Variants in SV2C observed in about 807,000 individuals in gnomAD.
SV2C encodes synaptic vesicle glycoprotein 2C, also known as solute carrier family 22 member B3.
SV2C carries 49 observed loss-of-function variants against 79.7 expected under a neutral mutation model. The observed-to-expected ratio is 0.61, with a 90% CI of 0.49 to 0.78. The LOEUF is 0.78. Among genes scored for constraint, SV2C ranks in the 30% least tolerant of loss-of-function variants. SV2C has a pLI of 0.00. For synonymous variants in SV2C, 334 were observed against 333.2 expected (o/e 1.00, Z -0.03); for missense variants, 833 against 912.9 (o/e 0.91, Z 1.13).
At chr5:75,850,259 T>G in the SV2C span, among the ~76,000 whole-genome samples, 73 of 152,302 alleles carry the variant, frequency 4.8e-4, 1 homozygote, top group African/African-American at 1.7e-3. Context: ...TGCAGAATGA[T>G]TTACTAAATC....
intron 4 of SV2C, among the ~76,000 whole-genome samples, chr5:76,276,898 T>G (rs1747040798): frequency 6.6e-6 from 1 of 152,136 alleles, no homozygotes. Context: ...CCTTTTTCAA[T>G]GGATTATAAC....
At chr5:75,962,394 G>A in the SV2C span, among the ~76,000 whole-genome samples, 1 of 152,004 alleles carries the variant, frequency 6.6e-6, no homozygotes, top group South Asian at 2.1e-4. Context: ...TAGAATATTA[G>A]TACTCATTTG....
At chr5:76,183,030 ATTTTTTTTTTT>A (rs759427459) in intron 2 of SV2C, among the ~76,000 whole-genome samples, 4 of 102,060 alleles carry the variant, frequency 3.9e-5, no homozygotes, top group South Asian at 3.3e-4. Flanking sequence ...AGAACCTACC[ATTTTTTTTTTT>A]TTTTTTTTTT....
intron 2 of SV2C, among the ~76,000 whole-genome samples, chr5:76,176,883 A>G (rs1391079965): frequency 6.6e-6 from 1 of 152,202 alleles, no homozygotes; most frequent in Non-Finnish European, 1.5e-5. Context: ...TGGGAGAACG[A>G]GGTGGATGGA....
At chr5:76,268,443 G>A (rs1233278225) in intron 4 of SV2C, among the ~76,000 whole-genome samples, 1 of 152,184 alleles carries the variant, frequency 6.6e-6, no homozygotes, top group African/African-American at 2.4e-5. Flanking sequence ...TGCAGGTCTT[G>A]TGGAACCCAG....
At chr5:76,315,399 A>G (rs1748587085) in intron 12 of SV2C, among the ~76,000 whole-genome samples, 1 of 152,234 alleles carries the variant, frequency 6.6e-6, no homozygotes, top group Admixed American at 6.5e-5. Flanking sequence ...TGTCTATTAC[A>G]AAAATCGACT....
the SV2C span, among the ~76,000 whole-genome samples, chr5:75,872,368 C>T: frequency 6.6e-6 from 1 of 152,158 alleles, no homozygotes; most frequent in Admixed American, 6.5e-5. Flanking sequence ...CCAATTTAAA[C>T]TCCAATTTGG....
chr5:76,120,433 TG>T (rs1748445870), intron 1 of SV2C, among the ~76,000 whole-genome samples: 1 of 150,062 alleles, frequency 6.7e-6, no homozygotes, highest in Non-Finnish European at 1.5e-5. Context: ...TAGTTACATA[TG>T]TATACATGTG....
chr5:75,853,208 C>G, the SV2C span, among the ~76,000 whole-genome samples: 1 of 151,914 alleles, frequency 6.6e-6, no homozygotes, highest in Non-Finnish European at 1.5e-5. Flanking sequence ...GGCATAATAC[C>G]GAATACTAGA....
At chr5:76,126,452 C>G (rs76162570) in intron 1 of SV2C, among the ~76,000 whole-genome samples, 14 of 152,028 alleles carry the variant, frequency 9.2e-5, no homozygotes, top group Non-Finnish European at 1.6e-4. Flanking sequence ...GTGCTCAGTG[C>G]GGAAAGCTTC....
At chr5:76,276,799 C>T (rs190543108) in intron 4 of SV2C, among the ~76,000 whole-genome samples, 1 of 151,932 alleles carries the variant, frequency 6.6e-6, no homozygotes, top group East Asian at 1.9e-4. Flanking sequence ...AAAATCCTGT[C>T]CTCAAGCAGT....
chr5:76,325,625 G>A lies in SV2C; in HGVS notation c.*78G>A. 6.4e-7 allele frequency: 1 copy of A among 1,560,132 alleles called. No homozygotes were observed. The highest frequency in any genetic ancestry group is 8.6e-7 in the Non-Finnish European group (1 of 1,157,002). On this transcript the variant is annotated 3_prime_UTR_variant, in exon 13 of 13. Coordinates refer to ENST00000502798, the MANE Select transcript of SV2C (RefSeq NM_014979.4). ...CTCCTTCCTGACTCAAGGCTTCAGAGTTTTCCTATATAGAAAGGTGATCAA... is the reference window on the plus strand; with the variant it reads ...CTCCTTCCTGACTCAAGGCTTCAGAATTTTCCTATATAGAAAGGTGATCAA...
the SV2C span, among the ~76,000 whole-genome samples, chr5:75,968,863 C>A: frequency 6.6e-6 from 1 of 152,116 alleles, no homozygotes; most frequent in African/African-American, 2.4e-5. Flanking sequence ...AACTTCAAGA[C>A]ACATAATTGT....
intron 4 of SV2C, chr5:76,281,181 T>TA (rs879252453): frequency 9.4e-6 from 5 of 534,754 alleles, no homozygotes; most frequent in Non-Finnish European, 1.9e-5. Flanking sequence ...TAGAAATCCT[T>TA]AAAAAAAGTA....
At chr5:76,214,478 C>A (rs1236684359) in intron 4 of SV2C, among the ~76,000 whole-genome samples, 3 of 152,160 alleles carry the variant, frequency 2.0e-5, no homozygotes, top group Non-Finnish European at 4.4e-5. Context: ...CAGCTTTCTT[C>A]TTCTTGCTCA....
the SV2C span, among the ~76,000 whole-genome samples, chr5:76,016,151 C>G: frequency 6.7e-6 from 1 of 149,028 alleles, no homozygotes; most frequent in Middle Eastern, 3.5e-3. Flanking sequence ...TTAGCATGCT[C>G]TCTTTGCTTT....
In SV2C at chr5:76,194,950, G is replaced by A. The variant is rs1744228737; in HGVS notation, c.612G>A (p.Gly204=). 1 of 1,613,910 alleles carries A rather than the reference G, an allele frequency of 6.2e-7. No individual in the cohort carries two copies. Among genetic ancestry groups the A allele is most frequent in the African/African-American group, 1.3e-5 (1 of 74,900 alleles). ...TAGTGTACCTCGGGATGATGGTGGG[G>A]GCGTTCTTCTGGGGAGGACTGGCAG... The part of the protein sequence containing the change: ...GSIVYLGMMV[G]AFFWGGLADK... The change falls in exon 3 of 13, where the codon GGG becomes GGA. Residue 204 remains glycine (G), a synonymous_variant. Coordinates refer to ENST00000502798, the MANE Select transcript of SV2C (RefSeq NM_014979.4).
the SV2C span, among the ~76,000 whole-genome samples, chr5:75,992,872 T>C: frequency 6.6e-6 from 1 of 151,938 alleles, no homozygotes. Context: ...GAGGAACAAA[T>C]CAAACTTACT....
chr5:75,848,909 A>G, the SV2C span, among the ~76,000 whole-genome samples: 2 of 152,242 alleles, frequency 1.3e-5, no homozygotes, highest in African/African-American at 2.4e-5. Flanking sequence ...ATCTGCAGAA[A>G]TATGATAATA....
Sources: gnomAD v4.1 joint callset for allele counts (sites outside exome capture counted in the v4.1 genomes callset) on GRCh38, gnomAD v4.1.1 for gene constraint, MANE v1.5 for transcripts, NCBI Gene and HGNC (gene_info 2026-07-23, HGNC 2026-07-21) for gene names.